TARS3: variants seen among roughly 807,000 people sequenced by gnomAD.
TARS3 encodes threonyl-tRNA synthetase 3.
TARS3 carries 94 observed loss-of-function variants against 103.5 expected under a neutral mutation model. That is an observed-to-expected ratio of 0.91 (90% CI 0.77 to 1.08). The LOEUF (loss-of-function observed/expected upper bound fraction) is 1.08. TARS3 is among the 50% of genes least tolerant of loss of function. TARS3 has a pLI of 0.00. For missense variants in TARS3, 952 were observed against 995.2 expected (o/e 0.96, Z 0.58); for synonymous variants, 416 against 355.4 (o/e 1.17, Z -1.92).
chr15:101,658,311 CAAAAA>C (rs36121104), intron 16 of TARS3, among the ~76,000 whole-genome samples: 2 of 70,152 alleles, frequency 2.9e-5, no homozygotes, highest in Non-Finnish European at 2.5e-5. Context: ...ACACCATCAG[CAAAAA>C]AAAAAAAAAA....
At chr15:101,703,753 C>T in intron 8 of TARS3, 106 bp downstream of exon 8, 1 of 675,024 alleles carries the variant, frequency 1.5e-6, no homozygotes, top group Non-Finnish European at 2.6e-6. Flanking sequence ...TTTAAAATAT[C>T]ATGATGTTCA....
rs776285992 is a variant in TARS3 at position 101,657,067 on chromosome 15, C to T, written c.2146-31G>A. On this transcript the variant is annotated intron_variant, in intron 17 of 18. Coordinates refer to ENST00000335968, the MANE Select transcript of TARS3 (RefSeq NM_152334.3). The stretch of plus-strand genomic sequence containing the variant: ...AGAAAATGAAACACCTTTACTGTTA[C>T]ATTATGGTACCTAGCCTCCAAGAAG... The T allele has an allele frequency of 2.8e-6, 4 of 1,424,272 alleles. No individual in the cohort carries two copies. The South Asian group carries it at 4.7e-5, about 17-fold the overall frequency. The allele number at this position is 1,424,272 out of a possible 1,614,324, so 88.2% of individuals were successfully genotyped here.
intron 15 of TARS3, among the ~76,000 whole-genome samples, chr15:101,671,020 G>C (rs1363419343): frequency 6.6e-6 from 1 of 152,048 alleles, no homozygotes; most frequent in South Asian, 2.1e-4. Context: ...AGCAGCACAA[G>C]AGAACAACAG....
At chr15:101,715,325 T>G (rs945364779) in intron 3 of TARS3, among the ~76,000 whole-genome samples, 1 of 151,740 alleles carries the variant, frequency 6.6e-6, no homozygotes, top group African/African-American at 2.4e-5. Context: ...TTTTTGTATT[T>G]TTAGTAGAGA....
At chr15:101,666,879 T>G (rs892134664) in intron 15 of TARS3, among the ~76,000 whole-genome samples, 12 of 152,348 alleles carry the variant, frequency 7.9e-5, no homozygotes, top group Middle Eastern at 3.4e-3. Context: ...GTACTATGAT[T>G]GAAAACAAAA....
intron 18 of TARS3, 24 bp from the exon 19 acceptor site, chr15:101,654,754 A>G (rs763603828): frequency 6.2e-7 from 1 of 1,607,772 alleles, no homozygotes; most frequent in East Asian, 2.2e-5. Context: ...AGGTAAAGAA[A>G]TGTATTTTAA....
chr15:101,662,990 T>A (rs1897440206), intron 15 of TARS3, among the ~76,000 whole-genome samples: 1 of 152,224 alleles, frequency 6.6e-6, no homozygotes, highest in African/African-American at 2.4e-5. Context: ...TTGAAGAGAA[T>A]AACTTCACAA....
At chr15:101,682,865 G>C (rs1898309846) in intron 12 of TARS3, among the ~76,000 whole-genome samples, 2 of 152,152 alleles carry the variant, frequency 1.3e-5, no homozygotes, top group Non-Finnish European at 2.9e-5. Flanking sequence ...AAGTTTAATA[G>C]TTTTGTCTTT....
chr15:101,693,272 C>T (rs1898809677), intron 10 of TARS3, among the ~76,000 whole-genome samples: 1 of 152,000 alleles, frequency 6.6e-6, no homozygotes, highest in African/African-American at 2.4e-5. Context: ...GGTGGGGGGG[C>T]CTCACAATCA....
intron 16 of TARS3, among the ~76,000 whole-genome samples, chr15:101,660,781 T>A (rs967970605): frequency 6.6e-6 from 1 of 152,176 alleles, no homozygotes; most frequent in Admixed American, 6.5e-5. Context: ...AGCCCATGCC[T>A]ATCCACCAGT....
At chr15:101,698,807 T>C (rs768878439) in intron 10 of TARS3, among the ~76,000 whole-genome samples, 2 of 152,234 alleles carry the variant, frequency 1.3e-5, no homozygotes. Context: ...TGAGCCAATG[T>C]AGTAATTAGA....
intron 12 of TARS3, among the ~76,000 whole-genome samples, chr15:101,681,128 ACT>A (rs1283748780): frequency 6.6e-6 from 1 of 151,676 alleles, no homozygotes; most frequent in Non-Finnish European, 1.5e-5. Context: ...CTATTTCTAG[ACT>A]CTGTTTTGCT....
chr15:101,722,265 G>A (rs1331837739), intron 2 of TARS3, among the ~76,000 whole-genome samples: 1 of 142,472 alleles, frequency 7.0e-6, no homozygotes, highest in Non-Finnish European at 1.5e-5. Context: ...CAGCCCCCAT[G>A]ACACCTCCCT....
chr15:101,654,839 A>G, intron 18 of TARS3, 109 bp from the exon 19 acceptor site: 1 of 988,564 alleles, frequency 1.0e-6, no homozygotes, highest in Non-Finnish European at 1.5e-6. Context: ...CTAATATTAA[A>G]TATCATCTAA....
intron 8 of TARS3, 63 bp downstream of exon 8, chr15:101,703,796 T>A: frequency 1.0e-6 from 1 of 990,640 alleles, no homozygotes; most frequent in South Asian, 1.4e-5. Context: ...TAAGATATGA[T>A]TAAAATCCTT....
chr15:101,697,907 TTGA>T (rs1050082984), intron 10 of TARS3, among the ~76,000 whole-genome samples: 1 of 152,122 alleles, frequency 6.6e-6, no homozygotes, highest in Non-Finnish European at 1.5e-5. Context: ...TCTAACCGTG[TTGA>T]TGATAAATTT....
chr15:101,692,174 G>A (rs1015432246), intron 10 of TARS3, among the ~76,000 whole-genome samples: 1 of 152,206 alleles, frequency 6.6e-6, no homozygotes, highest in East Asian at 1.9e-4. Context: ...GAGAGGTCTG[G>A]ATATTTCTTT....
chr15:101,700,427 T>C lies in TARS3; in HGVS notation c.1320+659A>G, dbSNP rs543169293. ...CCATGGAGCACATTTGGAGAAGCAA[T>C]GCTTCATGGCTTAACACTCTGTACC... On this transcript the variant is annotated intron_variant, in intron 10 of 18. Transcript: ENST00000335968. Among the ~76,000 whole-genome samples the C allele has an allele frequency of 3.3e-5, 5 of 152,334 alleles. No individual in the cohort carries two copies. The East Asian group carries it at 7.7e-4, about 23-fold the overall frequency.
chr15:101,686,851 A>T (rs1898496125), intron 10 of TARS3, among the ~76,000 whole-genome samples: 1 of 151,840 alleles, frequency 6.6e-6, no homozygotes, highest in South Asian at 2.1e-4. Flanking sequence ...TAGATTCTCA[A>T]CATTTGTAAA....
Sources: gnomAD v4.1 joint callset for allele counts (sites outside exome capture counted in the v4.1 genomes callset) on GRCh38, gnomAD v4.1.1 for gene constraint, MANE v1.5 for transcripts, NCBI Gene and HGNC (gene_info 2026-07-23, HGNC 2026-07-21) for gene names.